PTPRK: variants seen among roughly 807,000 people sequenced by gnomAD.
The protein encoded by PTPRK is receptor-type tyrosine-protein phosphatase kappa.
In PTPRK, 75 loss-of-function variants were observed where a neutral mutation model predicts 178.0. The ratio of observed to expected loss-of-function variants is 0.42; its 90% CI spans 0.35 to 0.51. PTPRK has a LOEUF of 0.51. PTPRK is among the 20% of genes least tolerant of loss of function. The pLI, the probability that PTPRK is intolerant of heterozygous loss-of-function variation, is 0.02. For synonymous variants in PTPRK, 637 were observed against 620.6 expected (o/e 1.03, Z -0.39); for missense variants, 1,441 against 1,797.8 (o/e 0.80, Z 3.59).
rs1813322932 is a variant in PTPRK at position 128,236,595 on chromosome 6, C to A, written c.693+3440G>T. On this transcript the variant is annotated intron_variant, in intron 5 of 29. Coordinates refer to ENST00000368226, the MANE Select transcript of PTPRK (RefSeq NM_002844.4). Reference sequence around the variant, plus strand: ...AACTCCTGACCTCATGATCCACCCACCTCGGCGTCCCAAAGTGCTGGGATT... The same window carrying A: ...AACTCCTGACCTCATGATCCACCCAACTCGGCGTCCCAAAGTGCTGGGATT... Among the ~76,000 whole-genome samples, 3 of 152,070 alleles carry A rather than the reference C, an allele frequency of 2.0e-5. No individual in the cohort carries two copies. In the South Asian group the frequency reaches 6.2e-4, roughly 31 times the overall value.
intron 6 of PTPRK, among the ~76,000 whole-genome samples, chr6:128,206,363 C>T (rs1806960355): frequency 1.3e-5 from 2 of 148,810 alleles, no homozygotes; most frequent in East Asian, 2.0e-4. Context: ...ACTTCCATCA[C>T]CCAGCAGAAA....
intron 7 of PTPRK, among the ~76,000 whole-genome samples, chr6:128,102,405 A>G (rs1363609039): frequency 6.6e-6 from 1 of 152,194 alleles, no homozygotes; most frequent in Non-Finnish European, 1.5e-5. Context: ...GGTAAATAAA[A>G]TTTTAAAAGT....
At chr6:128,347,358 T>G (rs1584283920) in intron 2 of PTPRK, among the ~76,000 whole-genome samples, 1 of 152,100 alleles carries the variant, frequency 6.6e-6, no homozygotes, top group South Asian at 2.1e-4. Context: ...TTCTCTCTTA[T>G]CATACGGCAT....
intron 13 of PTPRK, among the ~76,000 whole-genome samples, chr6:128,035,865 T>C (rs1025979987): frequency 6.6e-6 from 1 of 152,220 alleles, no homozygotes; most frequent in Non-Finnish European, 1.5e-5. Flanking sequence ...ACAGTCTGCA[T>C]AATTAGTAGT....
chr6:128,127,628 T>C (rs768734621), intron 7 of PTPRK, among the ~76,000 whole-genome samples: 1 of 152,224 alleles, frequency 6.6e-6, no homozygotes, highest in Non-Finnish European at 1.5e-5. Context: ...CAATGTTACC[T>C]GTAGGGAGAG....
At chr6:128,167,408 A>G (rs750986609) in intron 7 of PTPRK, among the ~76,000 whole-genome samples, 2 of 151,944 alleles carry the variant, frequency 1.3e-5, no homozygotes, top group African/African-American at 4.8e-5. Flanking sequence ...GAACAAAAGG[A>G]ATGTATAAAA....
At position 128,461,481 on chromosome 6, in the gene PTPRK, GTTTT is replaced by G. The variant is rs961864328; in HGVS notation, c.100+58774_100+58777del. On this transcript the variant is annotated intron_variant, in intron 1 of 29. Transcript: ENST00000368226. ...CAAAAGTTCCAGCACACATTGACCT[GTTTT>G]TTTTTCATTTTTTAAGATGAAAGCA... 2.0e-5 allele frequency among the ~76,000 whole-genome samples: 3 copies of G among 149,952 alleles called. No individual in the cohort carries two copies. The Admixed American group carries it at 2.0e-4, about 10-fold the overall frequency.
chr6:128,149,506 TTGGAATTAGATAGGCATATAGTCCAGTTC>T (rs1314482820), intron 7 of PTPRK, among the ~76,000 whole-genome samples: 1 of 152,166 alleles, frequency 6.6e-6, no homozygotes, highest in Non-Finnish European at 1.5e-5. Context: ...TTAGACAGCT[TTGGAATTAGATAGGCATATAGTCCAGTTC>T]TAATCTAGTA....
chr6:128,397,530 A>G (rs140771426), intron 2 of PTPRK, 36 bp downstream of exon 2: 1 of 1,607,408 alleles, frequency 6.2e-7, no homozygotes, highest in African/African-American at 1.3e-5. Flanking sequence ...CTGCAAAACT[A>G]TTCCCCCAAC....
chr6:128,154,856 G>A (rs1797749692), intron 7 of PTPRK, among the ~76,000 whole-genome samples: 1 of 151,696 alleles, frequency 6.6e-6, no homozygotes, highest in Non-Finnish European at 1.5e-5. Flanking sequence ...ATACAGAAAA[G>A]TAGATAGAAG....
rs75345476 is a variant in PTPRK at position 128,097,512 on chromosome 6, T to C, written c.1163-7520A>G. On this transcript the variant is annotated intron_variant, in intron 7 of 29. Coordinates refer to ENST00000368226, the MANE Select transcript of PTPRK (RefSeq NM_002844.4). The stretch of plus-strand genomic sequence containing the variant: ...GGAAAAAAAGGCAAAGATAATTCTT[T>C]TACCAATAGATAGATAAAGCCCACT... 2.9e-3 allele frequency among the ~76,000 whole-genome samples: 439 copies of C among 152,296 alleles called. 1 individual carries two copies. The highest frequency in any genetic ancestry group is 5.2e-3 in the Non-Finnish European group (354 of 68,028).
chr6:128,134,829 C>A (rs1260000947), intron 7 of PTPRK, among the ~76,000 whole-genome samples: 1 of 151,954 alleles, frequency 6.6e-6, no homozygotes, highest in Non-Finnish European at 1.5e-5. Flanking sequence ...ATAAACAAAT[C>A]AATCACTTAA....
chr6:128,199,773 G>GA (rs1805579576), intron 6 of PTPRK, among the ~76,000 whole-genome samples: 1 of 152,094 alleles, frequency 6.6e-6, no homozygotes, highest in Non-Finnish European at 1.5e-5. Context: ...AATTTCTCTT[G>GA]AAAATTCCTA....
chr6:128,151,559 TA>T (rs879399047), intron 7 of PTPRK, among the ~76,000 whole-genome samples: 35 of 148,968 alleles, frequency 2.3e-4, no homozygotes, highest in African/African-American at 5.9e-4. Context: ...GATAGTTATT[TA>T]AAAAAAAAAG....
At chr6:128,126,956 T>A (rs1303644329) in intron 7 of PTPRK, among the ~76,000 whole-genome samples, 1 of 149,580 alleles carries the variant, frequency 6.7e-6, no homozygotes, top group Non-Finnish European at 1.5e-5. Flanking sequence ...CAACTGGTAC[T>A]TTCATTTTTT....
intron 1 of PTPRK, among the ~76,000 whole-genome samples, chr6:128,492,039 T>C (rs1253400555): frequency 6.6e-6 from 1 of 152,120 alleles, no homozygotes; most frequent in Non-Finnish European, 1.5e-5. Context: ...CTCTTCCATA[T>C]CATCAGGTTG....
intron 5 of PTPRK, among the ~76,000 whole-genome samples, chr6:128,233,295 C>G (rs776617701): frequency 2.0e-5 from 3 of 152,160 alleles, no homozygotes; most frequent in Non-Finnish European, 4.4e-5. Context: ...TTTGTGCTTC[C>G]CAATTAACTC....
intron 14 of PTPRK, among the ~76,000 whole-genome samples, chr6:128,007,568 G>A (rs929283866): frequency 6.6e-6 from 1 of 150,782 alleles, no homozygotes; most frequent in South Asian, 2.1e-4. Context: ...GCTTAGTGAT[G>A]GTTTTAGCAT....
intron 5 of PTPRK, among the ~76,000 whole-genome samples, chr6:128,232,707 G>C (rs886522705): frequency 2.6e-5 from 4 of 152,126 alleles, no homozygotes; most frequent in Non-Finnish European, 5.9e-5. Context: ...AGATATATTT[G>C]TGCCATGTGC....
Sources: gnomAD v4.1 joint callset for allele counts (sites outside exome capture counted in the v4.1 genomes callset) on GRCh38, gnomAD v4.1.1 for gene constraint, MANE v1.5 for transcripts, NCBI Gene and HGNC (gene_info 2026-07-23, HGNC 2026-07-21) for gene names.